Variants in SH2B1 observed in about 807,000 individuals in gnomAD.
The protein encoded by SH2B1 is SH2B adaptor protein 1.
SH2B1 carries 15 observed loss-of-function variants against 62.6 expected under a neutral mutation model. The ratio of observed to expected loss-of-function variants is 0.24; its 90% CI spans 0.16 to 0.37. The LOEUF (loss-of-function observed/expected upper bound fraction) is 0.37, where lower values mean the gene tolerates loss of function less well. Among genes scored for constraint, SH2B1 ranks in the 10% least tolerant of loss-of-function variants. The pLI, the probability that SH2B1 is intolerant of heterozygous loss-of-function variation, is 1.00. For missense variants in SH2B1, 925 were observed against 1,015.6 expected, an observed-to-expected ratio of 0.91 and a Z score of 1.21; for synonymous variants, 443 against 438.0, an observed-to-expected ratio of 1.01 and a Z score of -0.14.
Position 28,865,894 on chromosome 16 carries a change from C to T in SH2B1, c.-201C>T. 7.4e-7 allele frequency: 1 copy of T among 1,360,408 alleles called. No homozygotes were observed. The highest frequency in any genetic ancestry group is 9.4e-7 in the Non-Finnish European group (1 of 1,061,678). 84.3% of individuals were successfully genotyped at this position (1,360,408 alleles called of 1,614,324 possible). On this transcript the variant is annotated 5_prime_UTR_variant, in exon 1 of 8. Coordinates refer to ENST00000684370, the MANE Select transcript of SH2B1 (RefSeq NM_001387430.1). Reference sequence around the variant, plus strand: ...GGAAGGGAGGTGTTGGGCTCCCTTCCCCATTGCTCTCTGCGGAGTCTGAAG... The same window carrying T: ...GGAAGGGAGGTGTTGGGCTCCCTTCTCCATTGCTCTCTGCGGAGTCTGAAG...
At position 28,864,731 on chromosome 16, in the gene SH2B1, C is replaced by A; in HGVS notation, c.-1364C>A. 2 of 871,844 alleles carry A rather than the reference C, an allele frequency of 2.3e-6. No homozygotes were observed. Among genetic ancestry groups the A allele is most frequent in the Non-Finnish European group, 2.8e-6 (2 of 726,316 alleles). The allele number at this position is 871,844 out of a possible 1,614,324, so 54.0% of individuals were successfully genotyped here. ...GAGCCAAGGGTTGTAAATTCCACACCCAGCTCTGCCACTTTCTAGTTGTAA... is the reference window on the plus strand; with the variant it reads ...GAGCCAAGGGTTGTAAATTCCACACACAGCTCTGCCACTTTCTAGTTGTAA... On this transcript the variant is annotated 5_prime_UTR_variant, in exon 1 of 8. Transcript: ENST00000684370.
chr16:28,868,861 C>T (rs1962876922), intron 2 of SH2B1, 145 bp from the exon 3 acceptor site: 1 of 681,610 alleles, frequency 1.5e-6, no homozygotes, highest in Admixed American at 2.2e-5. Context: ...GCTGGGATTA[C>T]AGGTGTGAGC....
chr16:28,872,131 C>A lies in SH2B1; in HGVS notation c.1514-59C>A. On this transcript the variant is annotated intron_variant, in intron 5 of 7. Coordinates refer to ENST00000684370, the MANE Select transcript of SH2B1 (RefSeq NM_001387430.1). The surrounding 1 kb of genome is among the most constrained non-coding windows in gnomAD (Gnocchi z 5.3). The stretch of plus-strand genomic sequence containing the variant: ...TGAGGGGAAGGCAAGGCTTTTTTCT[C>A]CCAGGATGGGGGAGGCTGCCCTGAC... The A allele has an allele frequency of 1.3e-6, 2 of 1,542,284 alleles. No homozygotes were observed. The highest frequency in any genetic ancestry group is 1.8e-6 in the Non-Finnish European group (2 of 1,125,218).
intron 4 of SH2B1, among the ~76,000 whole-genome samples, chr16:28,871,499 C>T (rs1963032119): frequency 1.3e-5 from 2 of 152,202 alleles, no homozygotes; most frequent in Admixed American, 1.3e-4. Context: ...GCATTCTGCT[C>T]TCCGTTTCTG....
Position 28,869,196 on chromosome 16 carries a change from C to G in SH2B1, c.1134-12C>G. 2 of 1,614,022 alleles carry G rather than the reference C, an allele frequency of 1.2e-6. No homozygotes were observed. Among genetic ancestry groups the G allele is most frequent in the Non-Finnish European group, 1.7e-6 (2 of 1,179,896 alleles). On this transcript the variant is annotated splice_polypyrimidine_tract_variant and intron_variant, in intron 3 of 7. Transcript: ENST00000684370. ...GACTTTCCTCCCAGCACCATCTTCC[C>G]TGTCTCTGCAGACCCTGCCCTGCTA...
Position 28,863,981 on chromosome 16 carries a change from CT to C in SH2B1, c.-2110del. 7.0e-7 allele frequency: 1 copy of C among 1,423,770 alleles called. No homozygotes were observed. The highest frequency in any genetic ancestry group is 9.1e-7 in the Non-Finnish European group (1 of 1,093,212). 88.2% of individuals were successfully genotyped at this position (1,423,770 alleles called of 1,614,324 possible). The stretch of plus-strand genomic sequence containing the variant: ...AACCGGAACCCCCCTCTTCAAGTAC[CT>C]TTTCCCTCTCCGCGACCCGGCCCTG... On this transcript the variant is annotated 5_prime_UTR_variant, in exon 1 of 8. It removes the in-frame stop codon of an upstream open reading frame in the 5' UTR. Transcript: ENST00000684370.
chr16:28,849,788 T>C (rs1235228206), intron 1 of SH2B1, among the ~76,000 whole-genome samples: 1 of 151,964 alleles, frequency 6.6e-6, no homozygotes. Flanking sequence ...TACCTGGGCA[T>C]GGTGCACGCC....
chr16:28,870,108 C>T (rs1962949453), intron 4 of SH2B1, among the ~76,000 whole-genome samples: 1 of 152,186 alleles, frequency 6.6e-6, no homozygotes, highest in African/African-American at 2.4e-5. Context: ...GTCTGTGCAC[C>T]ACACGCCTGT....
Position 28,865,186 on chromosome 16 carries a change from A to G in SH2B1, c.-909A>G, listed in dbSNP as rs1962616523. On this transcript the variant is annotated 5_prime_UTR_variant, in exon 1 of 8. Coordinates refer to ENST00000684370, the MANE Select transcript of SH2B1 (RefSeq NM_001387430.1). ...TGTTTTGTTTACGTGAGGCCAGCAA[A>G]GACTTGACCTGAGCCAACCCAGTTT... 1.0e-6 allele frequency: 1 copy of G among 985,614 alleles called. No individual in the cohort carries two copies. The highest frequency in any genetic ancestry group is 1.2e-6 in the Non-Finnish European group (1 of 829,948). The allele number at this position is 985,614 out of a possible 1,614,324, so 61.1% of individuals were successfully genotyped here.
In SH2B1 at chr16:28,863,938, A is replaced by AGATGCAGGTGGGACCGG. The variant is rs1962542367; in HGVS notation, c.-2156_-2140dup. On this transcript the variant is annotated 5_prime_UTR_variant, in exon 1 of 8. It adds an upstream start codon to the 5' untranslated region. Coordinates refer to ENST00000684370, the MANE Select transcript of SH2B1 (RefSeq NM_001387430.1). ...CCGCCGGAGCTAACCTCGGGGACCG[A>AGATGCAGGTGGGACCGG]GATGCAGGTGGGACCGGAACCGGAA... 6.8e-7 allele frequency: 1 copy of AGATGCAGGTGGGACCGG among 1,473,114 alleles called. No individual in the cohort carries two copies. Among genetic ancestry groups the AGATGCAGGTGGGACCGG allele is most frequent in the South Asian group, 1.3e-5 (1 of 75,414 alleles). The allele number at this position is 1,473,114 out of a possible 1,614,324, so 91.3% of individuals were successfully genotyped here. A position where few individuals can be genotyped will look rare whatever the true frequency, so the allele number is the denominator to read the frequency against.
Position 28,864,235 on chromosome 16 carries a change from T to C in SH2B1, c.-1860T>C. On this transcript the variant is annotated 5_prime_UTR_variant, in exon 1 of 8. Coordinates refer to ENST00000684370, the MANE Select transcript of SH2B1 (RefSeq NM_001387430.1). ...GCCTGCACCCTCCACCTCCCGCCCT[T>C]CGGGAAATATCAGAACTGAGCCAGG... 1 of 1,017,548 alleles carries C rather than the reference T, an allele frequency of 9.8e-7. No homozygotes were observed. The highest frequency in any genetic ancestry group is 1.2e-6 in the Non-Finnish European group (1 of 849,480). 63.0% of individuals were successfully genotyped at this position (1,017,548 alleles called of 1,614,324 possible). A position where few individuals can be genotyped will look rare whatever the true frequency, so the allele number is the denominator to read the frequency against.
In SH2B1 at chr16:28,864,716, T is replaced by A. The variant is rs1019707229; in HGVS notation, c.-1379T>A. On this transcript the variant is annotated 5_prime_UTR_variant, in exon 1 of 8. In the 5' UTR this introduces an upstream ATG that the reference lacks. Transcript: ENST00000684370. ...GAGGAGCGCTAACAAGAGCCAAGGG[T>A]TGTAAATTCCACACCCAGCTCTGCC... The A allele has an allele frequency of 7.3e-6, 7 of 962,316 alleles. No homozygotes were observed. The highest frequency in any genetic ancestry group is 8.6e-6 in the Non-Finnish European group (7 of 809,266). 59.6% of individuals were successfully genotyped at this position (962,316 alleles called of 1,614,324 possible). A position where few individuals can be genotyped will look rare whatever the true frequency, so the allele number is the denominator to read the frequency against.
Position 28,866,706 on chromosome 16 carries a change from C to T in SH2B1, c.612C>T (p.Gly204=), listed in dbSNP as rs367969323. ...LGGNSNSNSS[G]GAGTVGRGLV... ...GAAACAGCAACTCCAACTCCTCTGG[C>T]GGGGCTGGGACCGTTGGTAGGGGAC... The change falls in exon 1 of 8, where the codon GGC becomes GGT. Residue 204 remains glycine (G), a synonymous_variant. Coordinates refer to ENST00000684370, the MANE Select transcript of SH2B1 (RefSeq NM_001387430.1). This position sits in a 1 kb window ranked among gnomAD's most constrained non-coding sequence, Gnocchi z 6.3. 1.1e-4 allele frequency: 173 copies of T among 1,593,040 alleles called. 1 individual carries two copies. The highest frequency in any genetic ancestry group is 1.4e-4 in the Non-Finnish European group (163 of 1,169,108).
rs938864797 is a variant in SH2B1, at chr16:28,856,595, T to C, written c.-300-5023T>C. On this transcript the variant is annotated intron_variant, in intron 1 of 10. Transcript: ENST00000322610. ...GGTCTGGTGCAATGGAAATGAGTAC[T>C]GGGCTAGCCAGGAACTTAGTGGCAC... 1.4e-4 allele frequency among the ~76,000 whole-genome samples: 22 copies of C among 152,094 alleles called. 1 individual carries two copies. The highest frequency in any genetic ancestry group is 1.3e-4 in the Admixed American group (2 of 15,240).
rs1340067709 is a variant in SH2B1, at chr16:28,852,582, A to G, written c.-301+5755A>G. ...TTTATATATATACACATATATATTT[A>G]TATATATACACATATATATTTATAT... On this transcript the variant is annotated intron_variant, in intron 1 of 10. Coordinates refer to the SH2B1 transcript ENST00000322610. Among the ~76,000 whole-genome samples the G allele has an allele frequency of 6.2e-5, 4 of 64,526 alleles. 2 individuals are homozygous for G. Among genetic ancestry groups the G allele is most frequent in the South Asian group, 1.1e-3 (2 of 1,810 alleles). 42.3% of individuals were successfully genotyped at this position (64,526 alleles called of 152,430 possible).
upstream of SH2B1, chr16:28,863,810 A>G (rs891369772): frequency 3.3e-5 from 51 of 1,535,016 alleles, no homozygotes; most frequent in Non-Finnish European, 4.1e-5. Flanking sequence ...CTCTTCCTTC[A>G]GCGACGGGAA....
rs752775063 is a variant in SH2B1, at chr16:28,873,135, C to T, written c.1898-312C>T. The T allele has an allele frequency of 4.4e-6, 6 of 1,362,664 alleles. No individual in the cohort carries two copies. Among genetic ancestry groups the T allele is most frequent in the African/African-American group, 2.9e-5 (2 of 69,048 alleles). The allele number at this position is 1,362,664 out of a possible 1,614,324, so 84.4% of individuals were successfully genotyped here. On this transcript the variant is annotated intron_variant, in intron 7 of 7. Transcript: ENST00000684370. The surrounding 1 kb of genome is among the most constrained non-coding windows in gnomAD (Gnocchi z 4.2). ...GATCTCTCCCTTTCCCCTGCCCCAC[C>T]GTCCCATCTGTCCCCACGTTGCCCC...
chr16:28,856,966 T>C (rs1317231254), intron 1 of SH2B1, among the ~76,000 whole-genome samples: 2 of 152,032 alleles, frequency 1.3e-5, no homozygotes, highest in Non-Finnish European at 2.9e-5. Flanking sequence ...ACTTGGTGAA[T>C]GTCATACAAA....
At position 28,873,986 on chromosome 16, in the gene SH2B1, C is replaced by T. The variant is rs1174253087; in HGVS notation, c.*166C>T. Reference sequence around the variant, plus strand: ...AGAGGCTCGGGAGAGGCTCCCGTCACACACTACAGGTCCCCTCCCCAGGGC... The same window carrying T: ...AGAGGCTCGGGAGAGGCTCCCGTCATACACTACAGGTCCCCTCCCCAGGGC... On this transcript the variant is annotated 3_prime_UTR_variant, in exon 8 of 8. Coordinates refer to ENST00000684370, the MANE Select transcript of SH2B1 (RefSeq NM_001387430.1). This position sits in a 1 kb window ranked among gnomAD's most constrained non-coding sequence, Gnocchi z 4.2. 1 of 606,378 alleles carries T rather than the reference C, an allele frequency of 1.6e-6. No individual in the cohort carries two copies. Among genetic ancestry groups the T allele is most frequent in the African/African-American group, 1.9e-5 (1 of 52,184 alleles). 37.6% of individuals were successfully genotyped at this position (606,378 alleles called of 1,614,324 possible). A position where few individuals can be genotyped will look rare whatever the true frequency, so the allele number is the denominator to read the frequency against.
Sources: gnomAD v4.1 joint callset for allele counts (sites outside exome capture counted in the v4.1 genomes callset) on GRCh38, gnomAD v4.1.1 for gene constraint, Gnocchi (gnomAD v3.1) non-coding constraint, MANE v1.5 for transcripts, NCBI Gene and HGNC (gene_info 2026-07-23, HGNC 2026-07-21) for gene names.